Variants in RSPO2 observed in about 807,000 individuals in gnomAD.
RSPO2 encodes R-spondin-2.
Under a neutral mutation model 30.9 loss-of-function variants are expected in RSPO2, and 14 were observed. That is an observed-to-expected ratio of 0.45 (90% CI 0.30 to 0.71). The LOEUF is 0.71. Among genes scored for constraint, RSPO2 ranks in the 30% least tolerant of loss-of-function variants. The pLI is 0.08. For synonymous variants in RSPO2, 107 were observed against 96.4 expected, an observed-to-expected ratio of 1.11 and a Z score of -0.64; for missense variants, 264 against 301.9, an observed-to-expected ratio of 0.87 and a Z score of 0.93.
chr8:108,056,131 T>A (rs539119767), intron 2 of RSPO2, among the ~76,000 whole-genome samples: 1 of 152,192 alleles, frequency 6.6e-6, no homozygotes, highest in African/African-American at 2.4e-5. Context: ...TATAGGGGAA[T>A]TGGTTTTTTC....
At chr8:107,976,487 G>T (rs565603992) in intron 3 of RSPO2, among the ~76,000 whole-genome samples, 2 of 152,168 alleles carry the variant, frequency 1.3e-5, no homozygotes, top group African/African-American at 2.4e-5. Flanking sequence ...GGATTCTTAG[G>T]AGAGTATTAG....
chr8:107,901,176 T>C lies in RSPO2; in HGVS notation c.631A>G (p.Lys211Glu), dbSNP rs773694222. 1 of 1,613,670 alleles carries C rather than the reference T, an allele frequency of 6.2e-7. No individual in the cohort carries two copies. The highest frequency in any genetic ancestry group is 1.7e-5 in the Admixed American group (1 of 59,888). Residue 211 changes from lysine to glutamate, a missense_variant, in exon 6 of 6, where the codon AAG becomes GAG. By Grantham distance (56) the Lys-to-Glu change is moderately conservative. Coordinates refer to ENST00000276659, the MANE Select transcript of RSPO2 (RefSeq NM_178565.5). ...TTCTTGTTCCTCTTCTCCTTCGCCTTTGGTGTTCTCTTCCCTGCAATGAAG... is the reference window on the plus strand; with the variant it reads ...TTCTTGTTCCTCTTCTCCTTCGCCTCTGGTGTTCTCTTCCCTGCAATGAAG... ...RHCPGGKRTPKAKEKRNKKKK... is the reference protein window; with the variant it reads ...RHCPGGKRTPEAKEKRNKKKK...
At chr8:107,917,603 T>C (rs1164719432) in intron 5 of RSPO2, among the ~76,000 whole-genome samples, 1 of 152,230 alleles carries the variant, frequency 6.6e-6, no homozygotes, top group African/African-American at 2.4e-5. Flanking sequence ...CTGGCCTAAC[T>C]AATCCTTTAG....
At chr8:108,032,082 C>A (rs1357440329) in intron 2 of RSPO2, among the ~76,000 whole-genome samples, 2 of 152,090 alleles carry the variant, frequency 1.3e-5, no homozygotes, top group African/African-American at 4.8e-5. Flanking sequence ...AAGCTCTGAC[C>A]CTATCCTGCC....
At position 108,062,625 on chromosome 8, in the gene RSPO2, T is replaced by C. The variant is rs1021016689; in HGVS notation, c.94+19920A>G. ...AGGTACAAGGAGGAGTTGGTACCAT[T>C]CCTTCTGAAACTATTCCAATCAACA... On this transcript the variant is annotated intron_variant, in intron 2 of 5. Coordinates refer to ENST00000276659, the MANE Select transcript of RSPO2 (RefSeq NM_178565.5). 3.3e-5 allele frequency among the ~76,000 whole-genome samples: 5 copies of C among 151,938 alleles called. 1 individual carries two copies. The highest frequency in any genetic ancestry group is 1.2e-4 in the African/African-American group (5 of 41,226).
intron 2 of RSPO2, among the ~76,000 whole-genome samples, chr8:108,021,357 A>C (rs1811052227): frequency 6.6e-6 from 1 of 152,228 alleles, no homozygotes; most frequent in Non-Finnish European, 1.5e-5. Context: ...CCCACTTCCC[A>C]GATGGGTATC....
At chr8:108,051,785 C>T (rs1458279815) in intron 2 of RSPO2, among the ~76,000 whole-genome samples, 2 of 152,196 alleles carry the variant, frequency 1.3e-5, no homozygotes, top group Non-Finnish European at 2.9e-5. Flanking sequence ...ATCTGGGACT[C>T]CAGCTCAAGA....
At chr8:107,955,278 T>TCC (rs148216313) in intron 5 of RSPO2, among the ~76,000 whole-genome samples, 2 of 151,812 alleles carry the variant, frequency 1.3e-5, no homozygotes, top group East Asian at 3.9e-4. Context: ...AGATCACCTA[T>TCC]CCCCCCCTAA....
At chr8:107,976,800 T>C (rs1288945890) in intron 3 of RSPO2, among the ~76,000 whole-genome samples, 1 of 152,218 alleles carries the variant, frequency 6.6e-6, no homozygotes, top group African/African-American at 2.4e-5. Context: ...CCCCTCCTCT[T>C]CCTTTCTTTT....
At chr8:108,068,445 CTAA>C (rs1812738120) in intron 2 of RSPO2, among the ~76,000 whole-genome samples, 1 of 152,116 alleles carries the variant, frequency 6.6e-6, no homozygotes, top group Non-Finnish European at 1.5e-5. Flanking sequence ...ACTTGTTATA[CTAA>C]TAATATTATG....
Position 107,900,707 on chromosome 8 carries a change from T to A in RSPO2, c.*368A>T, listed in dbSNP as rs1297573547. On this transcript the variant is annotated 3_prime_UTR_variant, in exon 6 of 6. Coordinates refer to ENST00000276659, the MANE Select transcript of RSPO2 (RefSeq NM_178565.5). ...AAATGCACAATGTGAGAAATAAAGG[T>A]CACGAGTGAGTAGCGCATTGCCTGC... The A allele has an allele frequency of 5.6e-6, 1 of 177,292 alleles. No homozygotes were observed. Among genetic ancestry groups the A allele is most frequent in the African/African-American group, 2.4e-5 (1 of 42,374 alleles). 11.0% of individuals were successfully genotyped at this position (177,292 alleles called of 1,614,324 possible).
At chr8:107,996,025 C>T (rs1158663631) in intron 2 of RSPO2, among the ~76,000 whole-genome samples, 1 of 152,106 alleles carries the variant, frequency 6.6e-6, no homozygotes, top group Non-Finnish European at 1.5e-5. Flanking sequence ...ATTCTGGTAT[C>T]ATTCTTAGTA....
rs905599433 is a variant in RSPO2, at chr8:108,003,247, A to G, written c.95-14003T>C. ...TGTATGTGTGTGTATATATGTATGT[A>G]TGTATGTGTGTGTGTGTGTGTGTGT... On this transcript the variant is annotated intron_variant, in intron 2 of 5. Coordinates refer to ENST00000276659, the MANE Select transcript of RSPO2 (RefSeq NM_178565.5). Among the ~76,000 whole-genome samples the G allele has an allele frequency of 2.0e-3, 120 of 61,254 alleles. 2 individuals are homozygous for G. The highest frequency in any genetic ancestry group is 7.9e-3 in the Admixed American group (39 of 4,926). 40.2% of individuals were successfully genotyped at this position (61,254 alleles called of 152,430 possible). A position where few individuals can be genotyped will look rare whatever the true frequency, so the allele number is the denominator to read the frequency against.
chr8:108,037,861 C>T (rs1036372029), intron 2 of RSPO2, among the ~76,000 whole-genome samples: 1 of 152,174 alleles, frequency 6.6e-6, no homozygotes, highest in Non-Finnish European at 1.5e-5. Flanking sequence ...TTTAAGCCCG[C>T]TGTTGAGACC....
chr8:107,952,309 ACACACACATAT>A (rs1389449796), intron 5 of RSPO2, among the ~76,000 whole-genome samples: 1 of 151,970 alleles, frequency 6.6e-6, no homozygotes, highest in Admixed American at 6.6e-5. Flanking sequence ...ACACACACAC[ACACACACATAT>A]TATGATTAGC....
intron 2 of RSPO2, chr8:108,081,844 TG>T: frequency 1.1e-6 from 1 of 939,786 alleles, no homozygotes; most frequent in Non-Finnish European, 1.3e-6. Flanking sequence ...GAGAGCGAAG[TG>T]GGGCCTGTTT....
chr8:108,050,419 T>C (rs150054365), intron 2 of RSPO2, among the ~76,000 whole-genome samples: 134 of 152,278 alleles, frequency 8.8e-4, no homozygotes, highest in Non-Finnish European at 1.4e-3. Flanking sequence ...ATATCTATAG[T>C]TTACCTGTTA....
intron 5 of RSPO2, among the ~76,000 whole-genome samples, chr8:107,902,123 G>A (rs753821197): frequency 3.3e-5 from 5 of 152,130 alleles, no homozygotes; most frequent in Non-Finnish European, 5.9e-5. Context: ...ACCTCTTTGA[G>A]TTCTAAACAC....
rs1563558931 is a variant in RSPO2, at chr8:108,003,281, A to ATG, written c.95-14038_95-14037insCA. Among the ~76,000 whole-genome samples the ATG allele has an allele frequency of 1.2e-4, 5 of 40,996 alleles. No individual in the cohort carries two copies. In the East Asian group the frequency reaches 2.6e-3, roughly 21 times the overall value. 26.9% of individuals were successfully genotyped at this position (40,996 alleles called of 152,430 possible). A position where few individuals can be genotyped will look rare whatever the true frequency, so the allele number is the denominator to read the frequency against. On this transcript the variant is annotated intron_variant, in intron 2 of 5. Coordinates refer to ENST00000276659, the MANE Select transcript of RSPO2 (RefSeq NM_178565.5). ...TGTGTGTGTGTGTGTGTGTGTGTAT[A>ATG]TATATATATATATATATATATATAT...
Sources: allele counts gnomAD v4.1 joint callset (sites outside exome capture counted in the v4.1 genomes callset), GRCh38; gene constraint gnomAD v4.1.1; transcripts MANE v1.5; gene names NCBI Gene and HGNC (gene_info 2026-07-23, HGNC 2026-07-21).